The following MSR1 variants were observed in gnomAD, a reference collection of about 807,000 sequenced individuals.
MSR1 encodes macrophage scavenger receptor types I and II.
MSR1 carries 53 observed loss-of-function variants against 47.2 expected under a neutral mutation model. The observed-to-expected ratio is 1.12, with a 90% confidence interval of 0.90 to 1.41. The LOEUF is 1.41. Among genes scored for constraint, MSR1 ranks in the 40% most tolerant of loss-of-function variants. The pLI, the probability that MSR1 is intolerant of heterozygous loss-of-function variation, is 0.00. For synonymous variants in MSR1, 239 were observed against 185.6 expected (o/e 1.29, Z -2.34); for missense variants, 786 against 546.9 (o/e 1.44, Z -4.36).
rs187511474 is a variant in MSR1, at chr8:16,189,815, C to T, written c.-5+2783G>A. Among the ~76,000 whole-genome samples, 561 of 138,174 alleles carry T rather than the reference C, an allele frequency of 4.1e-3. 13 individuals carry two copies. In the East Asian group the frequency reaches 0.06, roughly 15 times the overall value. 90.6% of individuals were successfully genotyped at this position (138,174 alleles called of 152,430 possible). ...CAGCCATTTTTCTAAATAAAAAATA[C>T]AGCCATTTTTCTAAAATATAATTTT... On this transcript the variant is annotated intron_variant, in intron 1 of 9. Coordinates refer to ENST00000262101, the MANE Select transcript of MSR1 (RefSeq NM_138715.3).
intron 7 of MSR1, among the ~76,000 whole-genome samples, chr8:16,144,475 C>T (rs1312318499): frequency 6.6e-6 from 1 of 152,044 alleles, no homozygotes; most frequent in Non-Finnish European, 1.5e-5. Context: ...GTTTTTGATT[C>T]CCTCCAGCAA....
chr8:16,112,584 C>A (rs1799782269), intron 9 of MSR1, among the ~76,000 whole-genome samples: 1 of 152,044 alleles, frequency 6.6e-6, no homozygotes, highest in Admixed American at 6.6e-5. Flanking sequence ...TTGTTTTCTG[C>A]ATTAAAAAGT....
chr8:16,153,473 T>A (rs1800916395), intron 6 of MSR1, among the ~76,000 whole-genome samples: 1 of 152,004 alleles, frequency 6.6e-6, no homozygotes, highest in Non-Finnish European at 1.5e-5. Flanking sequence ...TAATGCCTAT[T>A]TGTGTAAATG....
chr8:16,154,133 T>C (rs987953656), intron 6 of MSR1, among the ~76,000 whole-genome samples: 3 of 151,894 alleles, frequency 2.0e-5, no homozygotes, highest in Non-Finnish European at 2.9e-5. Context: ...TTTTCAAAAA[T>C]TTTTCTGATG....
chr8:16,110,950 TG>T (rs1799743635), intron 9 of MSR1, among the ~76,000 whole-genome samples: 1 of 152,090 alleles, frequency 6.6e-6, no homozygotes, highest in African/African-American at 2.4e-5. Context: ...ATAACAGTAT[TG>T]AGGCTTTTTT....
intron 4 of MSR1, 138 bp downstream of exon 4, chr8:16,168,320 A>G (rs1801375550): frequency 2.5e-6 from 2 of 813,762 alleles, no homozygotes; most frequent in Admixed American, 2.3e-5. Context: ...TAAAATCTGG[A>G]TAAGTTAGCC....
chr8:16,188,902 G>C (rs1416751965), intron 1 of MSR1, among the ~76,000 whole-genome samples: 1 of 149,264 alleles, frequency 6.7e-6, no homozygotes, highest in Non-Finnish European at 1.5e-5. Flanking sequence ...TCTTTACCCA[G>C]TCTATCACTG....
At chr8:16,143,009 T>G (rs923992812) in intron 8 of MSR1, among the ~76,000 whole-genome samples, 3 of 152,190 alleles carry the variant, frequency 2.0e-5, no homozygotes, top group African/African-American at 7.2e-5. Context: ...ATTAACAGGT[T>G]GTGTATATTG....
At chr8:16,120,302 G>T in intron 9 of MSR1, 116 bp downstream of exon 9, 2 of 1,063,464 alleles carry the variant, frequency 1.9e-6, no homozygotes, top group Non-Finnish European at 2.8e-6. Context: ...GCTTGAATCC[G>T]GGAGGCAGAG....
At chr8:16,152,854 T>C (rs1223100491) in intron 6 of MSR1, among the ~76,000 whole-genome samples, 2 of 152,056 alleles carry the variant, frequency 1.3e-5, no homozygotes, top group African/African-American at 4.8e-5. Context: ...TGTTTACACA[T>C]ACTCTATAGG....
intron 3 of MSR1, among the ~76,000 whole-genome samples, chr8:16,174,330 T>A (rs1210603478): frequency 6.6e-6 from 1 of 152,146 alleles, no homozygotes; most frequent in Non-Finnish European, 1.5e-5. Context: ...TTAGAGCACA[T>A]GGGCAGACAT....
intron 9 of MSR1, among the ~76,000 whole-genome samples, chr8:16,112,526 G>C (rs183251952): frequency 6.6e-6 from 1 of 151,970 alleles, no homozygotes; most frequent in Non-Finnish European, 1.5e-5. Flanking sequence ...AGACTATTGA[G>C]CCCAGGGGAA....
intron 8 of MSR1, among the ~76,000 whole-genome samples, chr8:16,125,875 T>C (rs969748322): frequency 6.6e-6 from 1 of 152,036 alleles, no homozygotes; most frequent in South Asian, 2.1e-4. Context: ...CAAGTGATCC[T>C]CCTGCCTTGG....
chr8:16,110,042 T>C lies in MSR1; in HGVS notation c.*43A>G. The C allele has an allele frequency of 1.2e-6, 2 of 1,611,194 alleles. No homozygotes were observed. Among genetic ancestry groups the C allele is most frequent in the Non-Finnish European group, 1.7e-6 (2 of 1,178,162 alleles). The stretch of plus-strand genomic sequence containing the variant: ...TACAGGAACAAGGTAATAAAATCAT[T>C]TTTGAGCAGCGATTTCATAGTTGTG... On this transcript the variant is annotated 3_prime_UTR_variant, in exon 10 of 10. Coordinates refer to ENST00000262101, the MANE Select transcript of MSR1 (RefSeq NM_138715.3).
intron 1 of MSR1, among the ~76,000 whole-genome samples, chr8:16,185,842 T>C (rs1320249767): frequency 1.4e-5 from 2 of 143,610 alleles, no homozygotes; most frequent in East Asian, 4.7e-4. Context: ...ATACCTTTTT[T>C]CAGGAAAAAA....
rs34397076 is a variant in MSR1, at chr8:16,110,946, G to T, written c.1223-728C>A. 3.2e-4 allele frequency among the ~76,000 whole-genome samples: 49 copies of T among 152,184 alleles called. 1 individual carries two copies. In the East Asian group the frequency reaches 9.3e-3, roughly 29 times the overall value. The stretch of plus-strand genomic sequence containing the variant: ...AGTATTTTTTGAGGTGTTTATAACA[G>T]TATTGAGGCTTTTTTACTTGAAATT... On this transcript the variant is annotated intron_variant, in intron 9 of 9. Transcript: ENST00000262101.
At chr8:16,159,137 T>C (rs975378278) in intron 5 of MSR1, among the ~76,000 whole-genome samples, 1 of 151,682 alleles carries the variant, frequency 6.6e-6, no homozygotes, top group African/African-American at 2.4e-5. Flanking sequence ...TAATTAATTA[T>C]ACAAAACTCC....
intron 8 of MSR1, chr8:16,121,224 T>A: frequency 2.5e-6 from 1 of 398,662 alleles, no homozygotes; most frequent in Non-Finnish European, 4.9e-6. Flanking sequence ...GAAAAAAATA[T>A]TAACGAGATA....
intron 3 of MSR1, among the ~76,000 whole-genome samples, chr8:16,173,444 T>C (rs1801546770): frequency 6.6e-6 from 1 of 152,206 alleles, no homozygotes; most frequent in Admixed American, 6.5e-5. Context: ...AAATTACAGA[T>C]AAGCATAGAC....
Sources: gnomAD v4.1 joint callset for allele counts (sites outside exome capture counted in the v4.1 genomes callset) on GRCh38, gnomAD v4.1.1 for gene constraint, MANE v1.5 for transcripts, NCBI Gene and HGNC (gene_info 2026-07-23, HGNC 2026-07-21) for gene names.